Variants in CFAP57 observed in about 807,000 individuals in gnomAD.
CFAP57 encodes the protein cilia- and flagella-associated protein 57.
In CFAP57, 116 loss-of-function variants were observed where a neutral mutation model predicts 146.8. That is an observed-to-expected ratio of 0.79 (90% CI 0.68 to 0.92). CFAP57 has a LOEUF of 0.92. Ranked by LOEUF, CFAP57 falls within the 40% of genes least tolerant of loss-of-function variation. The pLI is 0.00. For missense variants in CFAP57, 1,377 were observed against 1,527.2 expected (o/e 0.90, Z 1.64); for synonymous variants, 518 against 552.8 (o/e 0.94, Z 0.88).
intron 9 of CFAP57, among the ~76,000 whole-genome samples, chr1:43,202,136 C>G (rs1488134146): frequency 1.3e-5 from 2 of 152,106 alleles, no homozygotes; most frequent in African/African-American, 4.8e-5. Context: ...ACATTTTTTA[C>G]AAATACAGAT....
In CFAP57 at chr1:43,250,864, C is replaced by T. The variant is rs138267976; in HGVS notation, c.3539-3113C>T. On this transcript the variant is annotated intron_variant, in intron 22 of 22. Transcript: ENST00000372492. The stretch of plus-strand genomic sequence containing the variant: ...ATACTGAAACAGTCAGGGTGCTTCC[C>T]TCTCAGTCAGTTGGTCTTGTTCCAC... Among the ~76,000 whole-genome samples the T allele has an allele frequency of 5.4e-3, 822 of 152,292 alleles. 10 individuals are homozygous for T. The highest frequency in any genetic ancestry group is 0.019 in the African/African-American group (784 of 41,550).
At chr1:43,175,822 T>G (rs545538751) in intron 2 of CFAP57, among the ~76,000 whole-genome samples, 1 of 151,306 alleles carries the variant, frequency 6.6e-6, no homozygotes, top group South Asian at 2.1e-4. Context: ...TTTTTGGGTT[T>G]TTTTTTTTTT....
intron 5 of CFAP57, among the ~76,000 whole-genome samples, chr1:43,185,671 A>G (rs995170505): frequency 1.4e-5 from 2 of 145,916 alleles, no homozygotes; most frequent in African/African-American, 2.6e-5. Flanking sequence ...GTGAAACCCC[A>G]TCTCTACAAA....
At chr1:43,182,097 TC>T (rs1408952851) in intron 3 of CFAP57, among the ~76,000 whole-genome samples, 2 of 152,200 alleles carry the variant, frequency 1.3e-5, no homozygotes, top group Non-Finnish European at 2.9e-5. Flanking sequence ...GTTCCCCAAC[TC>T]CAGCTCCTGT....
At chr1:43,197,408 A>G (rs1643910945) in intron 6 of CFAP57, 145 bp from the exon 7 acceptor site, 2 of 799,790 alleles carry the variant, frequency 2.5e-6, no homozygotes, top group Non-Finnish European at 2.0e-6. Context: ...GCTCAGGAAA[A>G]TATGCATAAT....
At chr1:43,245,704 T>G (rs1202819724) in intron 22 of CFAP57, among the ~76,000 whole-genome samples, 2 of 152,202 alleles carry the variant, frequency 1.3e-5, no homozygotes, top group African/African-American at 4.8e-5. Flanking sequence ...TTTAAGAAGC[T>G]GTTAGATCCA....
In CFAP57 at chr1:43,209,728, C is replaced by T. The variant is rs776375646; in HGVS notation, c.1756-15C>T. 4 of 1,612,306 alleles carry T rather than the reference C, an allele frequency of 2.5e-6. No homozygotes were observed. Among genetic ancestry groups the T allele is most frequent in the Non-Finnish European group, 3.4e-6 (4 of 1,178,984 alleles). Reference sequence around the variant, plus strand: ...GCTCGACCCCTCACACTGAGCAGAGCTGCCTGTGTCTCAGATCCTTCGAGA... The same window carrying T: ...GCTCGACCCCTCACACTGAGCAGAGTTGCCTGTGTCTCAGATCCTTCGAGA... On this transcript the variant is annotated splice_polypyrimidine_tract_variant and intron_variant, in intron 10 of 22. Transcript: ENST00000372492.
At chr1:43,185,596 C>G (rs1259938400) in intron 5 of CFAP57, among the ~76,000 whole-genome samples, 1 of 148,416 alleles carries the variant, frequency 6.7e-6, no homozygotes, top group Non-Finnish European at 1.5e-5. Flanking sequence ...AATCCCAGCA[C>G]TTTGGGAGGC....
chr1:43,208,424 G>A (rs1165900578), intron 10 of CFAP57, among the ~76,000 whole-genome samples: 1 of 152,196 alleles, frequency 6.6e-6, no homozygotes, highest in Non-Finnish European at 1.5e-5. Flanking sequence ...ACTGGATTAA[G>A]AAAATGTGGC....
chr1:43,198,616 C>A lies in CFAP57; in HGVS notation c.1398C>A (p.Phe466Leu), dbSNP rs1168846400. ...MNLLIDDIRS[F>L]KEYSVRGCGE... is the part of the protein sequence containing the mutation. ...TACTCATTGATGATATACGTTCTTT[C>A]AAAGAATACTCTGTTAGAGGATGCG... Residue 466 changes from phenylalanine (F) to leucine (L), a missense_variant, in exon 8 of 23, where the codon TTC becomes TTA. Phe to Leu is a conservative substitution (Grantham distance 22). Transcript: ENST00000372492. 1 of 1,613,564 alleles carries A rather than the reference C, an allele frequency of 6.2e-7. No homozygotes were observed. The highest frequency in any genetic ancestry group is 8.5e-7 in the Non-Finnish European group (1 of 1,179,960).
chr1:43,172,563 G>GGGGGAGTGGAAA, intron 1 of CFAP57, 110 bp downstream of exon 1: 1 of 769,796 alleles, frequency 1.3e-6, no homozygotes, highest in Non-Finnish European at 2.0e-6. Context: ...GGAGGACCCC[G>GGGGGAGTGGAAA]GGGGAGGGGA....
chr1:43,189,097 T>C (rs1009615998), intron 6 of CFAP57, among the ~76,000 whole-genome samples: 2 of 152,246 alleles, frequency 1.3e-5, no homozygotes, highest in East Asian at 1.9e-4. Context: ...TTCTGTTCCA[T>C]TGATCTGTCT....
At position 43,243,365 on chromosome 1, in the gene CFAP57, A is replaced by G. The variant is rs1236598957; in HGVS notation, c.3538+6A>G. 1.3e-6 allele frequency: 2 copies of G among 1,530,992 alleles called. No homozygotes were observed. The highest frequency in any genetic ancestry group is 1.8e-6 in the Non-Finnish European group (2 of 1,134,902). The allele number at this position is 1,530,992 out of a possible 1,614,324, so 94.8% of individuals were successfully genotyped here. ...ACAAGAAGTTTCAGAGACAGGTAAT[A>G]TCACCAGTGGCCAGGGGAGATGGGC... On this transcript the variant is annotated splice_donor_region_variant and intron_variant, in intron 22 of 22. Transcript: ENST00000372492.
rs1217357223 is a variant in CFAP57 at position 43,201,554 on chromosome 1, C to T, written c.1542+2051C>T. On this transcript the variant is annotated intron_variant, in intron 9 of 22. Transcript: ENST00000372492. The surrounding 1 kb of genome is among the most constrained non-coding windows in gnomAD (Gnocchi z 4.4). The stretch of plus-strand genomic sequence containing the variant: ...AGGCTGGAGTGCAGAGGCGTGATCT[C>T]GGCTCACTGCAACCTCCACCTCCTG... Among the ~76,000 whole-genome samples the T allele has an allele frequency of 1.3e-5, 2 of 152,226 alleles. No individual in the cohort carries two copies. The highest frequency in any genetic ancestry group is 2.4e-5 in the African/African-American group (1 of 41,452).
chr1:43,198,674 G>T, intron 8 of CFAP57, 28 bp downstream of exon 8: 1 of 1,612,108 alleles, frequency 6.2e-7, no homozygotes, highest in Non-Finnish European at 8.5e-7. Flanking sequence ...GAAGACAAAA[G>T]TCCAGTTTCT....
chr1:43,222,923 T>C lies in CFAP57; in HGVS notation c.2632T>C (p.Tyr878His). ...AGAAATCCAAGATATCAAAACCAAG[T>C]ATGAGAAAAAGCTTCGGGATGAAAA... ...DREIQDIKTK[Y>H]EKKLRDEKES... The change falls in exon 16 of 23, where the codon TAT becomes CAT. Residue 878 changes from tyrosine (Y) to histidine (H), a missense_variant. Transcript: ENST00000372492. 1.9e-6 allele frequency: 3 copies of C among 1,549,648 alleles called. 1 individual carries two copies. The highest frequency in any genetic ancestry group is 2.4e-5 in the South Asian group (2 of 83,964).
chr1:43,229,809 G>A (rs1269355476), intron 18 of CFAP57, among the ~76,000 whole-genome samples: 1 of 151,164 alleles, frequency 6.6e-6, no homozygotes, highest in Non-Finnish European at 1.5e-5. Context: ...AGCGTCCCTG[G>A]TCCCTACCTG....
At position 43,234,642 on chromosome 1, in the gene CFAP57, C is replaced by G. The variant is rs1021558264; in HGVS notation, c.3405+4C>G. On this transcript the variant is annotated splice_donor_region_variant and intron_variant, in intron 21 of 22. Coordinates refer to ENST00000372492, the MANE Select transcript of CFAP57 (RefSeq NM_001378189.1). ...AGACTACGTCCGCATCATGCAGGTA[C>G]CTGCATGCTCCCCTCAGCCCCTGTG... The G allele has an allele frequency of 1.3e-6, 2 of 1,547,486 alleles. No individual in the cohort carries two copies. The highest frequency in any genetic ancestry group is 8.7e-7 in the Non-Finnish European group (1 of 1,145,388).
chr1:43,179,190 T>G (rs540743440), intron 2 of CFAP57, among the ~76,000 whole-genome samples: 3 of 152,126 alleles, frequency 2.0e-5, no homozygotes, highest in East Asian at 1.9e-4. Context: ...TGTAAATGAC[T>G]AGTTAATGGG....
Sources: allele counts gnomAD v4.1 joint callset (sites outside exome capture counted in the v4.1 genomes callset), GRCh38; gene constraint gnomAD v4.1.1; non-coding constraint Gnocchi (gnomAD v3.1); transcripts MANE v1.5; gene names NCBI Gene and HGNC (gene_info 2026-07-23, HGNC 2026-07-21).